Variants in CD8A observed in about 807,000 individuals in gnomAD.
The protein encoded by CD8A is T-cell surface glycoprotein CD8 alpha chain.
A neutral mutation model predicts 24.2 loss-of-function variants in CD8A; 25 were observed. The observed-to-expected ratio is 1.03, with a 90% CI of 0.75 to 1.44. CD8A has a LOEUF of 1.44. CD8A is among the 40% of genes most tolerant of loss of function. CD8A has a pLI of 0.00. For synonymous variants in CD8A, 165 were observed against 149.9 expected, an observed-to-expected ratio of 1.10 and a Z score of -0.74; for missense variants, 360 against 319.7, an observed-to-expected ratio of 1.13 and a Z score of -0.96.
chr2:86,791,436 C>G, upstream of CD8A: 1 of 440,736 alleles, frequency 2.3e-6, no homozygotes, highest in South Asian at 1.6e-5. Flanking sequence ...CGGCAGCAGC[C>G]GAAGCTTTGG....
At chr2:86,794,865 A>G (rs1210765148), upstream of CD8A, among the ~76,000 whole-genome samples, 1 of 152,048 alleles carries the variant, frequency 6.6e-6, no homozygotes, top group Non-Finnish European at 1.5e-5. Context: ...CTCATTTCTC[A>G]AGCGGACCCT....
Position 86,790,657 on chromosome 2 carries a change from C to A in CD8A, c.74G>T (p.Arg25Leu), listed in dbSNP as rs760120446. 4 of 1,600,664 alleles carry A rather than the reference C, an allele frequency of 2.5e-6. No homozygotes were observed. Among genetic ancestry groups the A allele is most frequent in the Non-Finnish European group, 2.5e-6 (3 of 1,178,908 alleles). The change falls in exon 2 of 6, where the codon CGG becomes CTG. Residue 25 changes from arginine to leucine, a missense_variant. Physicochemically the swap from Arg to Leu is moderately radical, Grantham distance 102 (BLOSUM62 -2). Coordinates refer to ENST00000283635, the MANE Select transcript of CD8A (RefSeq NM_001768.7). ...LLHAARPSQF[R>L]VSPLDRTWNL... ...CCAGGTCCGATCCAGCGGCGACACC[C>A]GGAACTGGCTCGGCCTGGCGGCGTC...
At chr2:86,793,181 C>T (rs1408186783), upstream of CD8A, among the ~76,000 whole-genome samples, 1 of 152,228 alleles carries the variant, frequency 6.6e-6, no homozygotes, top group East Asian at 1.9e-4. Flanking sequence ...TGAAGATCCA[C>T]CCCATTCTTA....
At chr2:86,792,556 AC>A (rs1673346203), upstream of CD8A, among the ~76,000 whole-genome samples, 3 of 149,056 alleles carry the variant, frequency 2.0e-5, no homozygotes, top group South Asian at 4.2e-4. Flanking sequence ...GCAGTGTGGC[AC>A]CACCTCGGCT....
At chr2:86,806,439 T>G (rs908227429) in intron 2 of CD8A, among the ~76,000 whole-genome samples, 1 of 152,248 alleles carries the variant, frequency 6.6e-6, no homozygotes, top group African/African-American at 2.4e-5. Flanking sequence ...CTCTCCTCCC[T>G]TCCTCCTTGT....
In CD8A at chr2:86,785,381, A is replaced by T. The variant is rs892303862; in HGVS notation, c.*539T>A. 3.5e-5 allele frequency: 16 copies of T among 454,146 alleles called. No individual in the cohort carries two copies. The highest frequency in any genetic ancestry group is 3.0e-4 in the African/African-American group (15 of 49,974). 28.1% of individuals were successfully genotyped at this position (454,146 alleles called of 1,614,324 possible). ...AGGCTCTGGGCACAGTATCCCAGGT[A>T]TCAAGAAGTACTTGTTCCCTTGCCG... is the stretch of plus-strand genomic sequence containing the variant. On this transcript the variant is annotated 3_prime_UTR_variant, in exon 6 of 6. Coordinates refer to ENST00000283635, the MANE Select transcript of CD8A (RefSeq NM_001768.7).
intron 2 of CD8A, among the ~76,000 whole-genome samples, 161 bp from the exon 3 acceptor site, chr2:86,789,911 C>G (rs2944251): frequency 0.18 from 27,693 of 152,170 alleles, 2,642 homozygotes; most frequent in African/African-American, 0.23. Context: ...TGCGCGCGGA[C>G]CCCTGTGCTC....
intron 3 of CD8A, among the ~76,000 whole-genome samples, chr2:86,801,118 C>G (rs1282450280): frequency 6.6e-6 from 1 of 152,202 alleles, no homozygotes; most frequent in Non-Finnish European, 1.5e-5. Context: ...ACACCTTGAT[C>G]CTGAACTTCT....
exon 1 of CD8A, chr2:86,808,242 T>G (rs1313289262): frequency 6.6e-6 from 1 of 150,892 alleles, no homozygotes; most frequent in African/African-American, 2.4e-5. Context: ...CGCGCCGTAC[T>G]GAGGCAGAAA....
At chr2:86,805,190 T>A (rs1456925790) in intron 2 of CD8A, among the ~76,000 whole-genome samples, 7 of 152,186 alleles carry the variant, frequency 4.6e-5, no homozygotes. Context: ...TAATGACAAC[T>A]GCCACTTTCA....
intron 5 of CD8A, 82 bp from the exon 6 acceptor site, chr2:86,786,053 C>T: frequency 8.9e-7 from 1 of 1,118,486 alleles, no homozygotes; most frequent in East Asian, 2.3e-5. Flanking sequence ...GCCTCCCAAT[C>T]CCCCAGCCTT....
chr2:86,805,719 T>G (rs1673827002), intron 2 of CD8A, among the ~76,000 whole-genome samples: 1 of 152,120 alleles, frequency 6.6e-6, no homozygotes, highest in South Asian at 2.1e-4. Flanking sequence ...AAAATACGAA[T>G]TTTTTTGATG....
chr2:86,790,371 G>A lies in CD8A; in HGVS notation c.360C>T (p.Asn120=). ...EGYYFCSALS[N]SIMYFSHFVP... ...CGAAGTGGCTGAAGTACATGATGGA[G>A]TTGCTCAGGGCCGAGCAGAAATAGT... Residue 120 remains asparagine (N), a synonymous_variant, in exon 2 of 6, where the codon AAC becomes AAT. Transcript: ENST00000283635. The A allele has an allele frequency of 4.3e-6, 7 of 1,614,092 alleles. No individual in the cohort carries two copies. The highest frequency in any genetic ancestry group is 1.3e-5 in the African/African-American group (1 of 75,056).
Position 86,790,523 on chromosome 2 carries a change from G to A in CD8A, c.208C>T (p.Leu70Phe). Residue 70 changes from leucine to phenylalanine, a missense_variant, in exon 2 of 6, where the codon CTC (leucine) becomes TTC (phenylalanine). Transcript: ENST00000283635. ...GGCTTGTTTTGGGAGAGGTATAGGA[G>A]GAAGGTGGGACTGGCGGCGGCGCCG... ...PRGAAASPTF[L>F]LYLSQNKPKA... The A allele has an allele frequency of 6.2e-7, 1 of 1,614,054 alleles. No homozygotes were observed. The highest frequency in any genetic ancestry group is 8.5e-7 in the Non-Finnish European group (1 of 1,180,024).
At chr2:86,791,369 C>T (rs1337538461), upstream of CD8A, 1 of 378,102 alleles carries the variant, frequency 2.6e-6, no homozygotes, top group Non-Finnish European at 5.2e-6. Flanking sequence ...GCTAGAGCAG[C>T]CCCAGTTTTC....
At chr2:86,793,296 T>C (rs1359705454), upstream of CD8A, among the ~76,000 whole-genome samples, 1 of 152,214 alleles carries the variant, frequency 6.6e-6, no homozygotes, top group Non-Finnish European at 1.5e-5. Context: ...GTGGTAGATA[T>C]AATGTATCTG....
chr2:86,786,054 CCCCAGCCTTT>C, intron 5 of CD8A, 83 bp from the exon 6 acceptor site: 1 of 1,117,768 alleles, frequency 8.9e-7, no homozygotes, highest in East Asian at 2.3e-5. Context: ...CCTCCCAATC[CCCCAGCCTTT>C]GAAAGGTCTG....
chr2:86,807,737 TGGGGAGGGCC>T (rs1673962244), exon 2 of CD8A: 1 of 147,478 alleles, frequency 6.8e-6, no homozygotes, highest in Admixed American at 6.8e-5. Flanking sequence ...GGAGGAGGGC[TGGGGAGGGCC>T]ACCAAGGCGA....
At chr2:86,795,039 C>CAGGA (rs1673437015), upstream of CD8A, among the ~76,000 whole-genome samples, 1 of 152,216 alleles carries the variant, frequency 6.6e-6, no homozygotes, top group African/African-American at 2.4e-5. Context: ...ACAGTACAGA[C>CAGGA]CACATCCTTC....
Sources: allele counts gnomAD v4.1 joint callset (sites outside exome capture counted in the v4.1 genomes callset), GRCh38; gene constraint gnomAD v4.1.1; transcripts MANE v1.5; gene names NCBI Gene and HGNC (gene_info 2026-07-23, HGNC 2026-07-21).